Variants in PCDHA5 observed in about 807,000 individuals in gnomAD.
The protein encoded by PCDHA5 is protocadherin alpha 5.
A neutral mutation model predicts 61.6 loss-of-function variants in PCDHA5; 43 were observed. The observed-to-expected ratio is 0.70, with a 90% CI of 0.55 to 0.90. The LOEUF (loss-of-function observed/expected upper bound fraction) is 0.90. Ranked by LOEUF, PCDHA5 falls within the 40% of genes least tolerant of loss-of-function variation. The pLI, the probability that PCDHA5 is intolerant of heterozygous loss-of-function variation, is 0.00. For missense variants in PCDHA5, 1,298 were observed against 1,222.7 expected, an observed-to-expected ratio of 1.06 and a Z score of -0.92; for synonymous variants, 627 against 543.9, an observed-to-expected ratio of 1.15 and a Z score of -2.13.
At chr5:140,978,788 T>TA (rs2096823213) in intron 1 of PCDHA5, 161 bp from the exon 2 acceptor site, 1 of 974,810 alleles carries the variant, frequency 1.0e-6, no homozygotes, top group Non-Finnish European at 1.2e-6. Flanking sequence ...TCTAAAGTGC[T>TA]ATATATGTAG....
chr5:140,880,810 T>C (rs552209492), intron 1 of PCDHA5, among the ~76,000 whole-genome samples: 90 of 152,330 alleles, frequency 5.9e-4, no homozygotes, highest in Non-Finnish European at 1.1e-3. Flanking sequence ...TGAATGACTC[T>C]AGAGTGTCTG....
intron 1 of PCDHA5, among the ~76,000 whole-genome samples, chr5:140,826,940 G>A (rs1769124499): frequency 6.6e-6 from 1 of 152,040 alleles, no homozygotes; most frequent in South Asian, 2.1e-4. Context: ...AGGTGGATGT[G>A]GAATAAGGCA....
intron 1 of PCDHA5, chr5:140,867,841 C>T (rs1554161566): frequency 1.3e-5 from 2 of 151,958 alleles, no homozygotes; most frequent in African/African-American, 4.8e-5. Flanking sequence ...GGTAATTTAC[C>T]ATTTAGTTGA....
intron 1 of PCDHA5, chr5:140,850,121 G>T (rs2150468757): frequency 6.3e-7 from 1 of 1,595,960 alleles, no homozygotes; most frequent in Non-Finnish European, 8.6e-7. Flanking sequence ...ACGCGGGCGT[G>T]CCGCCTCTGG....
At chr5:140,857,375 G>A (rs1554149916) in intron 1 of PCDHA5, 2 of 1,598,360 alleles carry the variant, frequency 1.3e-6, no homozygotes, top group Non-Finnish European at 1.7e-6. Context: ...CGTGTCTGTG[G>A]AGGTGGCCGA....
intron 1 of PCDHA5, among the ~76,000 whole-genome samples, chr5:140,962,592 G>C (rs1318639328): frequency 1.3e-5 from 2 of 152,164 alleles, no homozygotes; most frequent in Non-Finnish European, 2.9e-5. Flanking sequence ...ATATTTGACT[G>C]ATATATTTCT....
intron 1 of PCDHA5, among the ~76,000 whole-genome samples, chr5:140,892,881 A>G (rs1562868071): frequency 6.6e-6 from 1 of 152,120 alleles, no homozygotes. Context: ...TTTCGTATCC[A>G]TTAACCAACC....
In PCDHA5 at chr5:140,822,920, G is replaced by C; in HGVS notation, c.1145G>C (p.Gly382Ala). 1 of 1,614,238 alleles carries C rather than the reference G, an allele frequency of 6.2e-7. No homozygotes were observed. Among genetic ancestry groups the C allele is most frequent in the Non-Finnish European group, 8.5e-7 (1 of 1,180,046 alleles). Residue 382 changes from glycine to alanine, a missense_variant, in exon 1 of 4, where the codon GGG (glycine) becomes GCG (alanine). Transcript: ENST00000529859. ...SVSDRDSGAN[G>A]QVTCSLMPHV... ...TCTGACCGTGACTCAGGTGCCAACG[G>C]GCAGGTGACCTGCTCCCTAATGCCC...
intron 1 of PCDHA5, among the ~76,000 whole-genome samples, chr5:140,893,581 T>C (rs1224207477): frequency 1.3e-5 from 2 of 152,216 alleles, no homozygotes; most frequent in African/African-American, 4.8e-5. Context: ...TTTTTGCTTG[T>C]TTGGGAAATA....
At chr5:140,904,519 A>C (rs576512079) in intron 1 of PCDHA5, among the ~76,000 whole-genome samples, 2 of 152,174 alleles carry the variant, frequency 1.3e-5, no homozygotes, top group Non-Finnish European at 2.9e-5. Context: ...GTGCTGCTAT[A>C]AACTTGTGTG....
chr5:140,834,153 T>C, intron 1 of PCDHA5: 1 of 535,142 alleles, frequency 1.9e-6, no homozygotes, highest in East Asian at 3.0e-5. Context: ...TTGTAATGGT[T>C]TGTAATTCTT....
At chr5:140,834,356 G>T (rs2150215618) in intron 1 of PCDHA5, 43 of 1,542,626 alleles carry the variant, frequency 2.8e-5, no homozygotes, top group Non-Finnish European at 3.7e-5. Flanking sequence ...AAGTTTTGCT[G>T]ACTAGAAAAA....
At chr5:140,850,674 C>T in intron 1 of PCDHA5, 1 of 1,598,338 alleles carries the variant, frequency 6.3e-7, no homozygotes, top group Non-Finnish European at 8.6e-7. Context: ...CTCGGCGATG[C>T]CCACCGAGGG....
chr5:140,977,084 A>C lies in PCDHA5; in HGVS notation c.2353-1865A>C, dbSNP rs545652987. On this transcript the variant is annotated intron_variant, in intron 1 of 3. Coordinates refer to ENST00000529859, the MANE Select transcript of PCDHA5 (RefSeq NM_018908.3). ...TAGAAAATAGCAGCATGACAAATTA[A>C]ATGTGTCATTGGGGAAGTGAGATTG... is the stretch of plus-strand genomic sequence containing the variant. 2.0e-5 allele frequency among the ~76,000 whole-genome samples: 3 copies of C among 152,336 alleles called. No individual in the cohort carries two copies. The East Asian group carries it at 5.8e-4, about 29-fold the overall frequency.
intron 1 of PCDHA5, chr5:140,834,302 A>T: frequency 7.7e-7 from 1 of 1,294,438 alleles, no homozygotes; most frequent in East Asian, 2.3e-5. Context: ...CCACACATCG[A>T]GATTGAAATG....
At chr5:140,901,284 G>T (rs868936344) in intron 1 of PCDHA5, among the ~76,000 whole-genome samples, 1 of 152,046 alleles carries the variant, frequency 6.6e-6, no homozygotes, top group Admixed American at 6.6e-5. Flanking sequence ...AGAAATTTTT[G>T]CCCAGACTGA....
intron 1 of PCDHA5, among the ~76,000 whole-genome samples, chr5:140,896,881 A>C (rs1436700773): frequency 9.9e-5 from 15 of 152,204 alleles, no homozygotes; most frequent in Non-Finnish European, 1.3e-4. Context: ...TTTATGGGGT[A>C]TATGAGACAT....
At chr5:140,841,381 C>T (rs2150314479) in intron 1 of PCDHA5, 1 of 1,613,486 alleles carries the variant, frequency 6.2e-7, no homozygotes, top group Non-Finnish European at 8.5e-7. Flanking sequence ...TGCTTCTGCT[C>T]CTCGCAGCCT....
At chr5:140,830,650 A>G (rs1771186234) in intron 1 of PCDHA5, 2 of 455,226 alleles carry the variant, frequency 4.4e-6, no homozygotes, top group East Asian at 4.5e-5. Flanking sequence ...CTTCTTTAAT[A>G]TTCATAATTT....
Sources: gnomAD v4.1 joint callset for allele counts (sites outside exome capture counted in the v4.1 genomes callset) on GRCh38, gnomAD v4.1.1 for gene constraint, MANE v1.5 for transcripts, NCBI Gene and HGNC (gene_info 2026-07-23, HGNC 2026-07-21) for gene names.